Variants in ANKRD11 observed in about 807,000 individuals in gnomAD.
ANKRD11 encodes ankyrin repeat domain-containing protein 11.
In ANKRD11, 17 loss-of-function variants were observed where a neutral mutation model predicts 195.7. The observed-to-expected ratio is 0.09, with a 90% CI of 0.06 to 0.13. The LOEUF is 0.13. Ranked by LOEUF, ANKRD11 falls within the 10% of genes least tolerant of loss-of-function variation. The pLI is 1.00. For synonymous variants in ANKRD11, 1,953 were observed against 1,528.1 expected (o/e 1.28, Z -6.49); for missense variants, 3,735 against 3,566.1 (o/e 1.05, Z -1.21).
chr16:89,399,839 G>A (rs1375079135), intron 2 of ANKRD11, among the ~76,000 whole-genome samples: 1 of 152,128 alleles, frequency 6.6e-6, no homozygotes, highest in African/African-American at 2.4e-5. Context: ...CTGTCAGAAA[G>A]ACAAAATGGT....
At chr16:89,275,252 A>C in intron 9 of ANKRD11, 61 bp from the exon 10 acceptor site, 2 of 1,449,548 alleles carry the variant, frequency 1.4e-6, no homozygotes, top group Non-Finnish European at 1.9e-6. Context: ...CGAAGGATAT[A>C]GTCTGGAGTT....
chr16:89,363,481 TA>T (rs11328033), intron 2 of ANKRD11, among the ~76,000 whole-genome samples: 86,455 of 147,938 alleles, frequency 0.58, 24,920 homozygotes, highest in Middle Eastern at 0.75. Context: ...ATAATAAAAT[TA>T]AAAAAAAAAA....
intron 2 of ANKRD11, among the ~76,000 whole-genome samples, chr16:89,371,303 G>A (rs2040182068): frequency 6.6e-6 from 1 of 152,200 alleles, no homozygotes; most frequent in African/African-American, 2.4e-5. Flanking sequence ...TCACAGAACA[G>A]AAACAAATAA....
chr16:89,286,625 G>A, intron 7 of ANKRD11: 1 of 1,195,958 alleles, frequency 8.4e-7, no homozygotes, highest in South Asian at 1.5e-5. Flanking sequence ...TTATGGAAAG[G>A]GTTGGGGGGA....
chr16:89,384,879 C>CTTTCTTTTTTTTTTT (rs2040832957), intron 2 of ANKRD11, among the ~76,000 whole-genome samples: 1 of 49,910 alleles, frequency 2.0e-5, no homozygotes, highest in Non-Finnish European at 3.5e-5. Context: ...AAATAGTTTT[C>CTTTCTTTTTTTTTTT]TTTTTTTTTT....
chr16:89,356,348 GAA>G (rs1217257053), intron 2 of ANKRD11, among the ~76,000 whole-genome samples: 1 of 151,816 alleles, frequency 6.6e-6, no homozygotes, highest in African/African-American at 2.4e-5. Context: ...GCTGAGGTGA[GAA>G]GGATGTGATC....
At chr16:89,313,849 G>C (rs1407543533) in intron 3 of ANKRD11, among the ~76,000 whole-genome samples, 1 of 152,192 alleles carries the variant, frequency 6.6e-6, no homozygotes, top group Non-Finnish European at 1.5e-5. Context: ...CCAGGCCTGA[G>C]AGCTCCCTAC....
At chr16:89,425,583 C>T (rs1411649435) in intron 1 of ANKRD11, among the ~76,000 whole-genome samples, 1 of 152,228 alleles carries the variant, frequency 6.6e-6, no homozygotes, top group Non-Finnish European at 1.5e-5. Context: ...TCAAACCATT[C>T]TCCTGACCTC....
chr16:89,331,829 G>T (rs1407040992), intron 2 of ANKRD11, among the ~76,000 whole-genome samples: 1 of 152,148 alleles, frequency 6.6e-6, no homozygotes, highest in Non-Finnish European at 1.5e-5. Context: ...TACGGTGATG[G>T]TTTTGAATGT....
At chr16:89,471,377 C>A (rs1197618164) in intron 1 of ANKRD11, among the ~76,000 whole-genome samples, 2 of 152,076 alleles carry the variant, frequency 1.3e-5, no homozygotes, top group African/African-American at 2.4e-5. Flanking sequence ...CACGAGACGG[C>A]AAGAACTCAT....
At chr16:89,275,044 G>A (rs375954198) in intron 10 of ANKRD11, 49 bp downstream of exon 10, 40 of 1,612,400 alleles carry the variant, frequency 2.5e-5, no homozygotes, top group African/African-American at 1.2e-4. Flanking sequence ...GGCCTGCGCC[G>A]TGAAAAGCCC....
intron 2 of ANKRD11, among the ~76,000 whole-genome samples, chr16:89,367,593 T>G (rs1343066261): frequency 1.3e-5 from 2 of 152,162 alleles, no homozygotes; most frequent in Non-Finnish European, 2.9e-5. Context: ...CTCCTCAGCC[T>G]GACAAGTCCA....
intron 2 of ANKRD11, among the ~76,000 whole-genome samples, chr16:89,344,600 AG>A (rs2038850769): frequency 6.6e-6 from 1 of 152,228 alleles, no homozygotes; most frequent in Non-Finnish European, 1.5e-5. Context: ...CCACAATGCA[AG>A]CGTCCGGGAG....
chr16:89,324,471 G>C (rs1412008624), intron 2 of ANKRD11: 1 of 457,140 alleles, frequency 2.2e-6, no homozygotes, highest in Non-Finnish European at 4.4e-6. Context: ...AACTTGACTG[G>C]ACTAAAGGAT....
At chr16:89,337,043 A>G (rs1048833140) in intron 2 of ANKRD11, among the ~76,000 whole-genome samples, 8 of 143,040 alleles carry the variant, frequency 5.6e-5, no homozygotes, top group African/African-American at 1.8e-4. Flanking sequence ...AAAATTAGCC[A>G]GGTGTGGTGG....
chr16:89,390,440 G>A (rs562763704), intron 2 of ANKRD11, among the ~76,000 whole-genome samples: 9 of 152,148 alleles, frequency 5.9e-5, no homozygotes, highest in African/African-American at 2.2e-4. Flanking sequence ...CTAACCAACG[G>A]TAAGGGGTGC....
intron 7 of ANKRD11, chr16:89,287,780 G>A (rs372276218): frequency 2.1e-5 from 4 of 187,306 alleles, no homozygotes; most frequent in African/African-American, 7.0e-5. Context: ...TCTCAAGTGA[G>A]CTCTTTAAGG....
chr16:89,438,324 A>AT (rs11435696), intron 1 of ANKRD11, among the ~76,000 whole-genome samples: 77,497 of 149,146 alleles, frequency 0.52, 20,006 homozygotes, highest in Middle Eastern at 0.67. Context: ...GATAGGGAAC[A>AT]TTTTTTTTTT....
rs1168396892 is a variant in ANKRD11, at chr16:89,281,649, C to T, written c.4893G>A (p.Arg1631=). The T allele has an allele frequency of 1.1e-5, 17 of 1,614,180 alleles. No homozygotes were observed. Among genetic ancestry groups the T allele is most frequent in the Middle Eastern group, 3.3e-4 (2 of 6,060 alleles). ...KEKAKPADDG[R]KKGLDIPAKK... Reference sequence around the variant, plus strand: ...TAGCAGGAATGTCCAGACCCTTCTTCCGCCCGTCGTCTGCCGGCTTCGCCT... The same window carrying T: ...TAGCAGGAATGTCCAGACCCTTCTTTCGCCCGTCGTCTGCCGGCTTCGCCT... The change falls in exon 9 of 13, where the codon CGG becomes CGA. Residue 1631 remains arginine, a synonymous_variant. Coordinates refer to ENST00000301030, the MANE Select transcript of ANKRD11 (RefSeq NM_013275.6). This position sits in a 1 kb window ranked among gnomAD's most constrained non-coding sequence, Gnocchi z 5.5.
Sources: gnomAD v4.1 joint callset for allele counts (sites outside exome capture counted in the v4.1 genomes callset) on GRCh38, gnomAD v4.1.1 for gene constraint, Gnocchi (gnomAD v3.1) non-coding constraint, MANE v1.5 for transcripts, NCBI Gene and HGNC (gene_info 2026-07-23, HGNC 2026-07-21) for gene names.